The following DNAH11 variants were observed in gnomAD, a reference collection of about 807,000 sequenced individuals.
DNAH11 encodes axonemal beta dynein heavy chain 11.
A neutral mutation model predicts 526.0 loss-of-function variants in DNAH11; 442 were observed. That is an observed-to-expected ratio of 0.84 (90% confidence interval 0.78 to 0.91). The LOEUF (loss-of-function observed/expected upper bound fraction) is 0.91, where lower values mean the gene tolerates loss of function less well. Among genes scored for constraint, DNAH11 ranks in the 40% least tolerant of loss-of-function variants. The probability of loss-of-function intolerance (pLI) is 0.00; values close to 1 mark genes in which losing one functional copy is unlikely to be tolerated. For synonymous variants in DNAH11, 2,461 were observed against 1,935.9 expected, an observed-to-expected ratio of 1.27 and a Z score of -7.12; for missense variants, 6,989 against 5,448.7, an observed-to-expected ratio of 1.28 and a Z score of -8.90.
At chr7:21,564,150 A>C in intron 5 of DNAH11, 36 bp from the exon 6 acceptor site, 2 of 1,461,174 alleles carry the variant, frequency 1.4e-6, no homozygotes, top group South Asian at 3.0e-5. Flanking sequence ...AAAAAAACAA[A>C]CCAGAATCAC....
At chr7:21,886,282 T>A (rs1784121363) in intron 76 of DNAH11, among the ~76,000 whole-genome samples, 1 of 152,176 alleles carries the variant, frequency 6.6e-6, no homozygotes, top group Non-Finnish European at 1.5e-5. Flanking sequence ...TAAAATCATA[T>A]TAGTCTAATA....
intron 70 of DNAH11, among the ~76,000 whole-genome samples, chr7:21,865,851 A>G: frequency 6.6e-6 from 1 of 152,220 alleles, no homozygotes; most frequent in Admixed American, 6.5e-5. Context: ...TTGATATGCT[A>G]AACAAGGGGT....
Position 21,742,442 on chromosome 7 carries a change from G to A in DNAH11, c.8154+276G>A, listed in dbSNP as rs114347738. On this transcript the variant is annotated intron_variant, in intron 49 of 81. Transcript: ENST00000409508. ...CAAGAGCAGGAGCAAGAGAGGGAGT[G>A]GAGGCAGGTCCCCAAACTTTTAAAC... Among the ~76,000 whole-genome samples, 1,064 of 152,194 alleles carry A rather than the reference G, an allele frequency of 7.0e-3. 12 individuals carry two copies. The highest frequency in any genetic ancestry group is 0.024 in the African/African-American group (1,008 of 41,520).
At chr7:21,631,942 C>T (rs1166142828) in intron 25 of DNAH11, among the ~76,000 whole-genome samples, 1 of 152,232 alleles carries the variant, frequency 6.6e-6, no homozygotes, top group Non-Finnish European at 1.5e-5. Context: ...AGCAGAGGTT[C>T]TCCATGAGGA....
Position 21,720,652 on chromosome 7 carries a change from G to C in DNAH11, c.7135-73G>C, listed in dbSNP as rs1230554128. 6.9e-6 allele frequency: 10 copies of C among 1,455,310 alleles called. No homozygotes were observed. In the Admixed American group the frequency reaches 1.7e-4, roughly 24 times the overall value. 90.1% of individuals were successfully genotyped at this position (1,455,310 alleles called of 1,614,324 possible). On this transcript the variant is annotated intron_variant, in intron 43 of 81. Transcript: ENST00000409508. ...TGTACTCTCTTAAGGATAAAGTGGA[G>C]TTGTAAAAATATTCTTTGAACTTCA...
chr7:21,779,085 C>A lies in DNAH11; in HGVS notation c.9464C>A (p.Ala3155Asp), dbSNP rs758398330. Residue 3155 changes from alanine to aspartate, a missense_variant, in exon 57 of 82, where the codon GCT becomes GAT. Ala to Asp is a moderately radical substitution (Grantham distance 126). Coordinates refer to ENST00000409508, the MANE Select transcript of DNAH11 (RefSeq NM_001277115.2). ...AAAGTGAGCCGGGAAAAGACCATCG[C>A]TGATGCTGAGGAGCGAAAGGTCAGG... Reference protein sequence around the residue: ...TEKVSREKTIADAEERKVTAI... With the variant: ...TEKVSREKTIDDAEERKVTAI... 5 of 1,612,862 alleles carry A rather than the reference C, an allele frequency of 3.1e-6. No individual in the cohort carries two copies. The South Asian group carries it at 4.4e-5, about 14-fold the overall frequency.
At position 21,901,628 on chromosome 7, in the gene DNAH11, C is replaced by CCGGAAAGAACGGAGATTTTAATTTTTA. The variant is rs1784865114; in HGVS notation, c.*375_*401dup. ...ATGTGAACATGCAAAAGCAATGCAG[C>CCGGAAAGAACGGAGATTTTAATTTTTA]CGGAAAGAACGGAGATTTTAATTTT... On this transcript the variant is annotated 3_prime_UTR_variant, in exon 82 of 82. Coordinates refer to ENST00000409508, the MANE Select transcript of DNAH11 (RefSeq NM_001277115.2). 1.2e-5 allele frequency: 2 copies of CCGGAAAGAACGGAGATTTTAATTTTTA among 160,432 alleles called. No individual in the cohort carries two copies. The allele number at this position is 160,432 out of a possible 1,614,324, so 9.9% of individuals were successfully genotyped here. A position where few individuals can be genotyped will look rare whatever the true frequency, so the allele number is the denominator to read the frequency against.
chr7:21,568,799 A>G (rs965423540), intron 6 of DNAH11, among the ~76,000 whole-genome samples: 12 of 151,304 alleles, frequency 7.9e-5, no homozygotes, highest in African/African-American at 2.7e-4. Flanking sequence ...GTCGTTTGCC[A>G]TAGATTTTTC....
intron 68 of DNAH11, among the ~76,000 whole-genome samples, chr7:21,861,487 A>G (rs1282565362): frequency 2.0e-5 from 3 of 152,216 alleles, no homozygotes; most frequent in African/African-American, 7.2e-5. Flanking sequence ...TATACTTAAC[A>G]CTACTGAACT....
At chr7:21,804,158 G>A (rs893967973) in intron 62 of DNAH11, among the ~76,000 whole-genome samples, 4 of 152,072 alleles carry the variant, frequency 2.6e-5, no homozygotes, top group African/African-American at 9.7e-5. Flanking sequence ...GCCCAGGCTG[G>A]AGTGCAGTGG....
Position 21,674,604 on chromosome 7 carries a change from C to T in DNAH11, c.5329-6942C>T, listed in dbSNP as rs150897564. Among the ~76,000 whole-genome samples the T allele has an allele frequency of 3.2e-3, 480 of 152,312 alleles. 2 individuals are homozygous for T. The highest frequency in any genetic ancestry group is 0.01 in the African/African-American group (428 of 41,568). ...TAACTCCTAGCCTCAAGTGATCCAT[C>T]TGCCTCGGCCTGCCACGATCTTTCT... On this transcript the variant is annotated intron_variant, in intron 30 of 81. Transcript: ENST00000409508.
intron 14 of DNAH11, among the ~76,000 whole-genome samples, chr7:21,592,937 G>C (rs945921294): frequency 6.6e-6 from 1 of 152,204 alleles, no homozygotes; most frequent in Non-Finnish European, 1.5e-5. Flanking sequence ...CTTGTCCTAA[G>C]GGACATTTTG....
intron 3 of DNAH11, 36 bp from the exon 4 acceptor site, chr7:21,559,567 C>T (rs756933485): frequency 6.8e-7 from 1 of 1,480,166 alleles, no homozygotes; most frequent in Non-Finnish European, 9.2e-7. Context: ...TAAAATGATT[C>T]ATCTTTGAAT....
At chr7:21,668,780 G>T (rs1782522569) in intron 30 of DNAH11, among the ~76,000 whole-genome samples, 1 of 152,036 alleles carries the variant, frequency 6.6e-6, no homozygotes, top group South Asian at 2.1e-4. Flanking sequence ...TTATTTCTAA[G>T]GCTGCTTTAA....
chr7:21,694,477 G>C (rs1012973159), intron 35 of DNAH11, among the ~76,000 whole-genome samples: 1 of 152,146 alleles, frequency 6.6e-6, no homozygotes, highest in African/African-American at 2.4e-5. Context: ...GTGTTAGTTT[G>C]CTGAGAATGA....
At chr7:21,858,253 C>T (rs11980938) in intron 68 of DNAH11, among the ~76,000 whole-genome samples, 12,469 of 152,192 alleles carry the variant, frequency 0.082, 1,453 homozygotes, top group African/African-American at 0.24. Context: ...AGATATGGTA[C>T]TACAGCTCTC....
chr7:21,852,472 A>G lies in DNAH11; in HGVS notation c.10902A>G (p.Val3634=). 2 of 1,611,168 alleles carry G rather than the reference A, an allele frequency of 1.2e-6. No individual in the cohort carries two copies. The highest frequency in any genetic ancestry group is 8.5e-7 in the Non-Finnish European group (1 of 1,178,664). Residue 3634 remains valine (V), a synonymous_variant, in exon 67 of 82, where the codon GTA becomes GTG. Transcript: ENST00000409508. Reference sequence around the variant, plus strand: ...CTTTTCTTGGTTTTTATTAGTTGGTATTGACAAAGCACCAAAATGATTTTA... The same window carrying G: ...CTTTTCTTGGTTTTTATTAGTTGGTGTTGACAAAGCACCAAAATGATTTTA... ...ERPDLEKLKL[V]LTKHQNDFKI...
At chr7:21,897,725 C>T (rs183489364) in intron 79 of DNAH11, among the ~76,000 whole-genome samples, 7 of 152,308 alleles carry the variant, frequency 4.6e-5, no homozygotes, top group Non-Finnish European at 7.3e-5. Context: ...AACCGATTCT[C>T]CTGCCTTCAG....
chr7:21,706,256 C>A (rs1466315943), intron 39 of DNAH11, among the ~76,000 whole-genome samples: 1 of 151,788 alleles, frequency 6.6e-6, no homozygotes, highest in East Asian at 1.9e-4. Context: ...TACTGACAGT[C>A]CTGGAAACAT....
Sources: allele counts gnomAD v4.1 joint callset (sites outside exome capture counted in the v4.1 genomes callset), GRCh38; gene constraint gnomAD v4.1.1; transcripts MANE v1.5; gene names NCBI Gene and HGNC (gene_info 2026-07-23, HGNC 2026-07-21).